Variants in TLL2 observed in about 807,000 individuals in gnomAD.
TLL2 encodes tolloid-like protein 2.
A neutral mutation model predicts 123.0 loss-of-function variants in TLL2; 106 were observed. The ratio of observed to expected loss-of-function variants is 0.86; its 90% CI spans 0.74 to 1.01. TLL2 has a LOEUF of 1.01. Among genes scored for constraint, TLL2 ranks in the 50% least tolerant of loss-of-function variants. TLL2 has a pLI of 0.00. For missense variants in TLL2, 1,332 were observed against 1,336.7 expected (o/e 1.00, Z 0.06); for synonymous variants, 494 against 516.8 (o/e 0.96, Z 0.60).
At chr10:96,419,859 A>G (rs1451789973) in intron 7 of TLL2, among the ~76,000 whole-genome samples, 1 of 152,198 alleles carries the variant, frequency 6.6e-6, no homozygotes, top group Non-Finnish European at 1.5e-5. Flanking sequence ...TTTCATCTTT[A>G]TGGACATGGA....
At chr10:96,407,750 C>T (rs1029467940) in intron 9 of TLL2, among the ~76,000 whole-genome samples, 1 of 152,210 alleles carries the variant, frequency 6.6e-6, no homozygotes, top group Non-Finnish European at 1.5e-5. Flanking sequence ...GCCCTGCGAT[C>T]TCCTAGGAAA....
At chr10:96,491,975 G>T (rs1340160196) in intron 1 of TLL2, among the ~76,000 whole-genome samples, 1 of 152,168 alleles carries the variant, frequency 6.6e-6, no homozygotes, top group Non-Finnish European at 1.5e-5. Flanking sequence ...GTGTGTGCCT[G>T]ATTTTGGGGG....
At chr10:96,510,331 C>A (rs1433136622) in intron 1 of TLL2, among the ~76,000 whole-genome samples, 1 of 152,082 alleles carries the variant, frequency 6.6e-6, no homozygotes, top group Non-Finnish European at 1.5e-5. Context: ...ACAGAGAACA[C>A]CCCCCAGAAG....
At chr10:96,393,422 T>G (rs890146608) in intron 13 of TLL2, among the ~76,000 whole-genome samples, 3 of 152,220 alleles carry the variant, frequency 2.0e-5, no homozygotes, top group African/African-American at 7.2e-5. Context: ...CATTTTCTCC[T>G]GATGACAGCC....
chr10:96,511,831 G>GTCTA (rs1316004699), intron 1 of TLL2, among the ~76,000 whole-genome samples: 2 of 152,178 alleles, frequency 1.3e-5, no homozygotes, highest in Admixed American at 6.5e-5. Flanking sequence ...ACCCAGCAGG[G>GTCTA]TCTAGGATCT....
At chr10:96,410,641 C>A in intron 8 of TLL2, 167 bp from the exon 9 acceptor site, 1 of 695,590 alleles carries the variant, frequency 1.4e-6, no homozygotes. Flanking sequence ...CTAACAAAAG[C>A]ACAAGTAGGA....
At chr10:96,406,010 C>T (rs904790069) in intron 9 of TLL2, among the ~76,000 whole-genome samples, 13 of 152,098 alleles carry the variant, frequency 8.5e-5, no homozygotes, top group Non-Finnish European at 1.5e-4. Flanking sequence ...GGTATAAACA[C>T]TGAAAAGAGA....
chr10:96,441,612 A>G (rs1564907999), intron 3 of TLL2, among the ~76,000 whole-genome samples: 1 of 152,142 alleles, frequency 6.6e-6, no homozygotes, highest in East Asian at 1.9e-4. Flanking sequence ...CTCAAGATAA[A>G]TGCTGCCATT....
At chr10:96,394,574 C>T (rs1321784299) in intron 13 of TLL2, among the ~76,000 whole-genome samples, 4 of 152,148 alleles carry the variant, frequency 2.6e-5, no homozygotes, top group Admixed American at 1.3e-4. Context: ...CTCCCAACCC[C>T]GATCATGTGG....
chr10:96,429,510 A>G (rs1846715676), intron 4 of TLL2, among the ~76,000 whole-genome samples: 1 of 152,194 alleles, frequency 6.6e-6, no homozygotes, highest in African/African-American at 2.4e-5. Flanking sequence ...GGGTAAAAAT[A>G]GATTTTCAAA....
chr10:96,380,798 T>A (rs1203162200), intron 16 of TLL2, among the ~76,000 whole-genome samples: 2 of 146,288 alleles, frequency 1.4e-5, no homozygotes, highest in Non-Finnish European at 3.0e-5. Context: ...GGCGGGTGGA[T>A]CACCTGAGGT....
chr10:96,372,500 G>A (rs1339615049), intron 19 of TLL2, among the ~76,000 whole-genome samples: 1 of 152,202 alleles, frequency 6.6e-6, no homozygotes, highest in Non-Finnish European at 1.5e-5. Context: ...CTAAAGAGCA[G>A]AGCCAAATTT....
intron 4 of TLL2, 78 bp from the exon 5 acceptor site, chr10:96,428,826 C>T (rs537858348): frequency 2.7e-5 from 27 of 994,552 alleles, no homozygotes; most frequent in South Asian, 2.0e-4. Context: ...TCTTTCAAGA[C>T]GGAGTTTTGC....
chr10:96,509,637 T>C (rs1433818591), intron 1 of TLL2, among the ~76,000 whole-genome samples: 1 of 152,226 alleles, frequency 6.6e-6, no homozygotes, highest in Non-Finnish European at 1.5e-5. Context: ...AGGCTCTTCT[T>C]TCTGAAGAAT....
chr10:96,490,204 C>T (rs1398470637), intron 1 of TLL2, among the ~76,000 whole-genome samples: 1 of 152,148 alleles, frequency 6.6e-6, no homozygotes, highest in African/African-American at 2.4e-5. Flanking sequence ...CTACTAAAAG[C>T]TATAAAAAGT....
intron 1 of TLL2, among the ~76,000 whole-genome samples, chr10:96,488,858 C>T (rs551080967): frequency 4.6e-5 from 7 of 152,264 alleles, no homozygotes; most frequent in Admixed American, 2.6e-4. Context: ...GGATGGAAAC[C>T]CCTGCGTGGA....
intron 2 of TLL2, among the ~76,000 whole-genome samples, chr10:96,448,351 A>G (rs571218525): frequency 8.4e-4 from 128 of 152,248 alleles, no homozygotes; most frequent in Non-Finnish European, 1.6e-3. Flanking sequence ...CAGCAGACAA[A>G]TGTACCACCT....
intron 13 of TLL2, among the ~76,000 whole-genome samples, chr10:96,389,740 C>T (rs899299592): frequency 3.9e-5 from 6 of 152,222 alleles, no homozygotes; most frequent in Non-Finnish European, 7.3e-5. Context: ...AGGAGCAAGT[C>T]TCTTGGCACC....
At chr10:96,473,326 G>A (rs1847203242) in intron 2 of TLL2, among the ~76,000 whole-genome samples, 1 of 152,058 alleles carries the variant, frequency 6.6e-6, no homozygotes, top group Non-Finnish European at 1.5e-5. Flanking sequence ...ATGGTGATGG[G>A]CGCCTGAAAT....
Sources: allele counts gnomAD v4.1 joint callset (sites outside exome capture counted in the v4.1 genomes callset), GRCh38; gene constraint gnomAD v4.1.1; transcripts MANE v1.5; gene names NCBI Gene and HGNC (gene_info 2026-07-23, HGNC 2026-07-21).